HS6ST2: variants seen among roughly 807,000 people sequenced by gnomAD.
The protein encoded by HS6ST2 is heparan sulfate 6-O-sulfotransferase 2.
HS6ST2 carries 17 observed loss-of-function variants against 33.0 expected under a neutral mutation model. The ratio of observed to expected loss-of-function variants is 0.52; its 90% CI spans 0.35 to 0.77. The LOEUF is 0.77. HS6ST2 is among the 30% of genes least tolerant of loss of function. The pLI is 0.01. For missense variants in HS6ST2, 519 were observed against 551.7 expected (o/e 0.94, Z 0.59); for synonymous variants, 248 against 237.1 (o/e 1.05, Z -0.42).
At chrX:132,946,499 C>G (rs1324024939) in intron 2 of HS6ST2, among the ~76,000 whole-genome samples, 1 of 111,688 alleles carries the variant, frequency 9.0e-6, no homozygotes, top group Non-Finnish European at 1.9e-5. Flanking sequence ...CCATCATTCT[C>G]AGCAAACTAT....
intron 2 of HS6ST2, among the ~76,000 whole-genome samples, chrX:132,947,011 G>A (rs2066964422): frequency 9.0e-6 from 1 of 111,489 alleles, no homozygotes; most frequent in Admixed American, 9.6e-5. Context: ...AACTACTAAC[G>A]TTCCTTCACA....
intron 2 of HS6ST2, among the ~76,000 whole-genome samples, chrX:132,871,161 A>T (rs1374665495): frequency 8.9e-6 from 1 of 112,562 alleles, no homozygotes; most frequent in Non-Finnish European, 1.9e-5. Context: ...TGGCCAACAA[A>T]CATATGAAAA....
chrX:132,939,729 T>C (rs1231428753), intron 2 of HS6ST2, among the ~76,000 whole-genome samples: 1 of 112,336 alleles, frequency 8.9e-6, no homozygotes, highest in East Asian at 2.7e-4. Context: ...TACTTTTAAA[T>C]AAATTTAACA....
chrX:132,909,637 A>T (rs1365394487), intron 2 of HS6ST2, among the ~76,000 whole-genome samples: 1 of 111,950 alleles, frequency 8.9e-6, no homozygotes, highest in Non-Finnish European at 1.9e-5. Context: ...CATTCCTCAA[A>T]CCATAACAAA....
At chrX:132,665,334 G>C (rs1290251085) in intron 4 of HS6ST2, among the ~76,000 whole-genome samples, 2 of 111,630 alleles carry the variant, frequency 1.8e-5, no homozygotes, top group African/African-American at 6.5e-5. Context: ...CATTGCAGTG[G>C]AAAGATCATG....
At chrX:132,727,184 T>C (rs188633761) in intron 2 of HS6ST2, among the ~76,000 whole-genome samples, 194 of 101,369 alleles carry the variant, frequency 1.9e-3, no homozygotes, top group Non-Finnish European at 3.0e-3. Context: ...ACTTGACAAA[T>C]CCATAGATCT....
chrX:132,787,313 T>C (rs1310877077), intron 2 of HS6ST2, among the ~76,000 whole-genome samples: 2 of 94,300 alleles, frequency 2.1e-5, no homozygotes, highest in African/African-American at 7.9e-5. Context: ...ATTTTTTCAA[T>C]ACAGAGTCTT....
At chrX:132,724,950 T>C (rs1417703391) in intron 2 of HS6ST2, among the ~76,000 whole-genome samples, 1 of 111,996 alleles carries the variant, frequency 8.9e-6, no homozygotes, top group East Asian at 2.8e-4. Flanking sequence ...AATATCCATA[T>C]GCAAAAGAAT....
In HS6ST2 at chrX:132,902,102, A is replaced by ATTT. The variant is rs772438138; in HGVS notation, c.947+54703_947+54705dup. Among the ~76,000 whole-genome samples the ATTT allele has an allele frequency of 1.1e-4, 11 of 95,950 alleles. No homozygotes were observed. In the South Asian group the frequency reaches 1.9e-3, roughly 17 times the overall value. The allele number at this position is 95,950 out of a possible 115,157, so 83.3% of individuals were successfully genotyped here. On this transcript the variant is annotated intron_variant, in intron 2 of 4. Coordinates refer to ENST00000370833, the MANE Select transcript of HS6ST2 (RefSeq NM_001394073.1). Reference sequence around the variant, plus strand: ...ACCAGACCAGTGACACATATCACTCATTTTTTTTTTTTTTTTTGAGACAGG... The same window carrying ATTT: ...ACCAGACCAGTGACACATATCACTCATTTTTTTTTTTTTTTTTTTTGAGACAGG...
chrX:132,941,012 C>T (rs182564033), intron 2 of HS6ST2, among the ~76,000 whole-genome samples: 1 of 111,883 alleles, frequency 8.9e-6, no homozygotes, highest in African/African-American at 3.3e-5. Flanking sequence ...AAGCCATAAT[C>T]TTCCTACAAT....
intron 2 of HS6ST2, among the ~76,000 whole-genome samples, chrX:132,723,409 T>C (rs1448542768): frequency 1.8e-5 from 2 of 111,917 alleles, no homozygotes; most frequent in African/African-American, 6.5e-5. Flanking sequence ...TGAATATTGA[T>C]GCAGAAATCC....
intron 2 of HS6ST2, among the ~76,000 whole-genome samples, chrX:132,896,500 C>A (rs2066377645): frequency 9.1e-6 from 1 of 109,776 alleles, no homozygotes; most frequent in Non-Finnish European, 1.9e-5. Context: ...TGAGTAAGAC[C>A]TACTATTTGA....
At chrX:132,958,765 T>G (rs768601964), upstream of HS6ST2, 239 of 455,688 alleles carry the variant, frequency 5.2e-4, 1 homozygote, top group African/African-American at 4.8e-3. Context: ...TCACTCCACT[T>G]TGGCTCGTAA....
At chrX:132,781,999 A>C (rs2065020470) in intron 2 of HS6ST2, among the ~76,000 whole-genome samples, 1 of 111,906 alleles carries the variant, frequency 8.9e-6, no homozygotes. Flanking sequence ...GTGGTTTCAA[A>C]TGTGTTCTGC....
At chrX:132,917,786 G>A (rs1381115634) in intron 2 of HS6ST2, among the ~76,000 whole-genome samples, 3 of 111,728 alleles carry the variant, frequency 2.7e-5, no homozygotes, top group East Asian at 2.8e-4. Flanking sequence ...ACAGAGCCAC[G>A]TGACCCCACA....
chrX:132,856,358 A>T (rs749692919), intron 2 of HS6ST2, among the ~76,000 whole-genome samples: 1 of 112,179 alleles, frequency 8.9e-6, no homozygotes, highest in African/African-American at 3.2e-5. Context: ...ATCATAGGTA[A>T]GTATGTGTAG....
At chrX:132,690,500 C>T (rs934187118) in intron 3 of HS6ST2, among the ~76,000 whole-genome samples, 4 of 112,191 alleles carry the variant, frequency 3.6e-5, no homozygotes, top group African/African-American at 1.3e-4. Context: ...TGGTTTGTTC[C>T]TCATACAGAG....
chrX:132,796,867 G>A (rs1214302615), intron 2 of HS6ST2, among the ~76,000 whole-genome samples: 1 of 112,458 alleles, frequency 8.9e-6, no homozygotes, highest in African/African-American at 3.2e-5. Flanking sequence ...GGGGAGTGAA[G>A]CACTACTACA....
chrX:132,718,392 C>T lies in HS6ST2; in HGVS notation c.948-9898G>A, dbSNP rs761833946. On this transcript the variant is annotated intron_variant, in intron 2 of 4. Transcript: ENST00000370833. ...AGAGAGGCTCAAAGAGAAATTTGCT[C>T]AAGGTCATACAGTTAATAAGTGAAG... 3.6e-5 allele frequency among the ~76,000 whole-genome samples: 4 copies of T among 111,772 alleles called. No homozygotes were observed. In the East Asian group the frequency reaches 1.1e-3, roughly 32 times the overall value.
Sources: gnomAD v4.1 joint callset for allele counts (sites outside exome capture counted in the v4.1 genomes callset) on GRCh38, gnomAD v4.1.1 for gene constraint, MANE v1.5 for transcripts, NCBI Gene and HGNC (gene_info 2026-07-23, HGNC 2026-07-21) for gene names.